GABRA5: variants seen among roughly 807,000 people sequenced by gnomAD.
The protein encoded by GABRA5 is gamma-aminobutyric acid receptor subunit alpha-5.
Under a neutral mutation model 47.3 loss-of-function variants are expected in GABRA5, and 18 were observed. That is an observed-to-expected ratio of 0.38 (90% CI 0.26 to 0.56). The LOEUF (loss-of-function observed/expected upper bound fraction) is 0.56, where lower values mean the gene tolerates loss of function less well. Among genes scored for constraint, GABRA5 ranks in the 20% least tolerant of loss-of-function variants. The pLI, the probability that GABRA5 is intolerant of heterozygous loss-of-function variation, is 0.71. For missense variants in GABRA5, 365 were observed against 599.3 expected (o/e 0.61, Z 4.08); for synonymous variants, 237 against 229.3 (o/e 1.03, Z -0.30).
rs533371817 is a variant in GABRA5 at position 26,887,399 on chromosome 15, G to A, written c.497+3842G>A. ...GACTGGAGGGCAGTGGCGTGATCTC[G>A]GCTCATTGCAACCTCTGCCTCCCGG... On this transcript the variant is annotated intron_variant, in intron 6 of 10. Transcript: ENST00000335625. 4.8e-4 allele frequency among the ~76,000 whole-genome samples: 73 copies of A among 152,076 alleles called. 1 individual carries two copies. The Middle Eastern group carries it at 0.01, about 21-fold the overall frequency.
At chr15:26,908,831 A>C (rs997592090) in intron 6 of GABRA5, among the ~76,000 whole-genome samples, 4 of 152,184 alleles carry the variant, frequency 2.6e-5, no homozygotes, top group African/African-American at 9.6e-5. Context: ...TTTCATTATC[A>C]AAGTCTGAAT....
At chr15:26,894,853 GTCTTGAGTA>G in intron 6 of GABRA5, among the ~76,000 whole-genome samples, 1 of 152,130 alleles carries the variant, frequency 6.6e-6, no homozygotes, top group East Asian at 1.9e-4. Context: ...TCCAGTCTCC[GTCTTGAGTA>G]TCTTTTCTGT....
intron 9 of GABRA5, among the ~76,000 whole-genome samples, 152 bp from the exon 10 acceptor site, chr15:26,943,063 G>T (rs933372647): frequency 1.3e-5 from 2 of 152,154 alleles, no homozygotes; most frequent in African/African-American, 4.8e-5. Flanking sequence ...CAGCCTGGGC[G>T]ACAGAGCAAG....
chr15:26,903,923 A>G (rs1893383414), intron 6 of GABRA5, among the ~76,000 whole-genome samples: 1 of 151,492 alleles, frequency 6.6e-6, no homozygotes, highest in Non-Finnish European at 1.5e-5. Context: ...TTGTCTGCCT[A>G]CTCTGTTGAT....
intron 6 of GABRA5, among the ~76,000 whole-genome samples, chr15:26,889,676 C>A (rs1490322938): frequency 1.3e-5 from 2 of 152,170 alleles, no homozygotes; most frequent in Non-Finnish European, 2.9e-5. Flanking sequence ...AAGTTCAAAG[C>A]TTCTTTCATG....
At chr15:26,930,415 TTCCTTAGCCGATATTCAAC>T (rs1384110624) in intron 7 of GABRA5, among the ~76,000 whole-genome samples, 1 of 152,196 alleles carries the variant, frequency 6.6e-6, no homozygotes, top group African/African-American at 2.4e-5. Context: ...TTTAGCATAT[TTCCTTAGCCGATATTCAAC>T]TCCATTACTC....
chr15:26,896,200 C>T (rs1893190411), intron 6 of GABRA5, among the ~76,000 whole-genome samples: 1 of 152,074 alleles, frequency 6.6e-6, no homozygotes, highest in African/African-American at 2.4e-5. Flanking sequence ...CCTGTTGTCT[C>T]CAAAGAAACA....
chr15:26,897,395 A>G (rs145791363), intron 6 of GABRA5, among the ~76,000 whole-genome samples: 4,885 of 152,230 alleles, frequency 0.032, 100 homozygotes, highest in Non-Finnish European at 0.049. Flanking sequence ...CTGCAAGCCA[A>G]GCACAGAGGC....
chr15:26,879,585 C>CCTTTATT (rs1245544875), intron 3 of GABRA5, among the ~76,000 whole-genome samples: 1 of 152,144 alleles, frequency 6.6e-6, no homozygotes, highest in Non-Finnish European at 1.5e-5. Flanking sequence ...GAGCATTATT[C>CCTTTATT]CTTTATTCTT....
intron 7 of GABRA5, among the ~76,000 whole-genome samples, chr15:26,929,110 T>C (rs1474355288): frequency 3.3e-5 from 5 of 152,154 alleles, no homozygotes; most frequent in Non-Finnish European, 7.3e-5. Context: ...ATGGTTTCAG[T>C]CCAAAAGTCT....
chr15:26,913,788 G>A (rs1893656061), intron 6 of GABRA5, among the ~76,000 whole-genome samples: 2 of 152,028 alleles, frequency 1.3e-5, no homozygotes, highest in Middle Eastern at 3.2e-3. Flanking sequence ...ACAGTGTGGC[G>A]GCTCTGGGAG....
intron 6 of GABRA5, among the ~76,000 whole-genome samples, chr15:26,897,780 G>A (rs1035036826): frequency 7.2e-5 from 11 of 152,102 alleles, no homozygotes; most frequent in Non-Finnish European, 1.5e-4. Context: ...ATTCTTTGCT[G>A]CACTAACTTA....
At chr15:26,915,343 TAGTC>T (rs913567666) in intron 7 of GABRA5, among the ~76,000 whole-genome samples, 1 of 152,242 alleles carries the variant, frequency 6.6e-6, no homozygotes, top group African/African-American at 2.4e-5. Context: ...GTCATGTTCA[TAGTC>T]AGTGCTCACC....
chr15:26,877,653 A>AT (rs748204174), intron 3 of GABRA5: 5 of 455,458 alleles, frequency 1.1e-5, no homozygotes, highest in South Asian at 7.8e-5. Flanking sequence ...TACCGAAAAG[A>AT]TTTTTTCTTC....
intron 6 of GABRA5, among the ~76,000 whole-genome samples, chr15:26,885,147 A>C (rs1892844475): frequency 6.6e-6 from 1 of 151,946 alleles, no homozygotes; most frequent in South Asian, 2.1e-4. Context: ...AAAATACAAA[A>C]AATTAGCCGG....
chr15:26,903,346 T>C (rs12898975), intron 6 of GABRA5, among the ~76,000 whole-genome samples: 77,912 of 152,004 alleles, frequency 0.51, 20,119 homozygotes, highest in Middle Eastern at 0.56. Flanking sequence ...TTTTCTTCAT[T>C]GATTCTAACT....
intron 7 of GABRA5, among the ~76,000 whole-genome samples, chr15:26,918,508 A>G (rs1893768640): frequency 6.6e-6 from 1 of 152,046 alleles, no homozygotes; most frequent in South Asian, 2.1e-4. Flanking sequence ...CTCTTTGTTG[A>G]TGTTCTGTCT....
chr15:26,895,141 A>C (rs1893150097), intron 6 of GABRA5, among the ~76,000 whole-genome samples: 1 of 151,954 alleles, frequency 6.6e-6, no homozygotes, highest in African/African-American at 2.4e-5. Flanking sequence ...GCCCCTGGCT[A>C]CTGCTGCAGG....
chr15:26,886,015 CTGT>C (rs79858293), intron 6 of GABRA5, among the ~76,000 whole-genome samples: 9 of 151,200 alleles, frequency 6.0e-5, no homozygotes, highest in East Asian at 5.9e-4. Flanking sequence ...ATGCAGTTTG[CTGT>C]TGTTGTTGTT....
Sources: allele counts gnomAD v4.1 joint callset (sites outside exome capture counted in the v4.1 genomes callset), GRCh38; gene constraint gnomAD v4.1.1; transcripts MANE v1.5; gene names NCBI Gene and HGNC (gene_info 2026-07-23, HGNC 2026-07-21).